The following CHN1 variants were observed in gnomAD, a reference collection of about 807,000 sequenced individuals.
CHN1 encodes the protein chimerin 1, also known as N-chimaerin.
CHN1 carries 37 observed loss-of-function variants against 59.5 expected under a neutral mutation model. That is an observed-to-expected ratio of 0.62 (90% confidence interval 0.48 to 0.82). The LOEUF (loss-of-function observed/expected upper bound fraction) is 0.82. CHN1 is among the 40% of genes least tolerant of loss of function. CHN1 has a pLI of 0.00. For synonymous variants in CHN1, 206 were observed against 200.4 expected, an observed-to-expected ratio of 1.03 and a Z score of -0.24; for missense variants, 469 against 571.0, an observed-to-expected ratio of 0.82 and a Z score of 1.82.
intron 2 of CHN1, among the ~76,000 whole-genome samples, chr2:174,947,691 C>A (rs1047492171): frequency 1.3e-5 from 2 of 151,896 alleles, no homozygotes; most frequent in Non-Finnish European, 2.9e-5. Flanking sequence ...ACCATCTTGC[C>A]CAGGCTGGTC....
intron 6 of CHN1, among the ~76,000 whole-genome samples, chr2:174,857,056 TAC>T (rs999292727): frequency 1.3e-5 from 2 of 152,188 alleles, no homozygotes; most frequent in Non-Finnish European, 2.9e-5. Flanking sequence ...TATAATGAGA[TAC>T]AGTTATTAAT....
At chr2:174,993,981 A>G (rs1050318509) in intron 1 of CHN1, among the ~76,000 whole-genome samples, 2 of 152,188 alleles carry the variant, frequency 1.3e-5, no homozygotes, top group African/African-American at 4.8e-5. Context: ...TTATTTTCAG[A>G]CCTCGAAAAG....
intron 5 of CHN1, among the ~76,000 whole-genome samples, chr2:174,902,117 T>C (rs1688403618): frequency 6.6e-6 from 1 of 152,204 alleles, no homozygotes; most frequent in East Asian, 1.9e-4. Context: ...TGCCTTTGTG[T>C]TTTCCTACAT....
intron 8 of CHN1, among the ~76,000 whole-genome samples, chr2:174,815,237 TGTG>T (rs1215797824): frequency 6.6e-6 from 1 of 152,090 alleles, no homozygotes; most frequent in African/African-American, 2.4e-5. Flanking sequence ...AATTGGTGGT[TGTG>T]GTGGTGTGCG....
chr2:174,823,099 G>T (rs949453437), intron 8 of CHN1, among the ~76,000 whole-genome samples: 4 of 152,116 alleles, frequency 2.6e-5, no homozygotes. Context: ...TCAGACCCCA[G>T]AAATTTCTGC....
At chr2:174,943,097 G>A (rs760279255) in intron 3 of CHN1, among the ~76,000 whole-genome samples, 2 of 151,314 alleles carry the variant, frequency 1.3e-5, no homozygotes, top group Non-Finnish European at 2.9e-5. Context: ...ATAAATAAAA[G>A]CTATTTAAGT....
rs116306915 is a variant in CHN1 at position 174,894,462 on chromosome 2, C to T, written c.261-16334G>A. ...ATTAAAATGACCACTACCAAAAAAA[C>T]CAGAAAATAACAAATGGTGAGGATG... is the stretch of plus-strand genomic sequence containing the variant. On this transcript the variant is annotated intron_variant, in intron 5 of 12. Coordinates refer to ENST00000409900, the MANE Select transcript of CHN1 (RefSeq NM_001822.7). 6.4e-4 allele frequency among the ~76,000 whole-genome samples: 97 copies of T among 151,970 alleles called. 2 individuals are homozygous for T. In the East Asian group the frequency reaches 0.017, roughly 26 times the overall value.
At chr2:174,801,550 A>T (rs2105370626) in intron 12 of CHN1, among the ~76,000 whole-genome samples, 157 bp downstream of exon 12, 1 of 152,352 alleles carries the variant, frequency 6.6e-6, no homozygotes, top group Admixed American at 6.5e-5. Context: ...TATTTTTAGC[A>T]TTCCTTCTCA....
At chr2:174,915,679 T>A (rs1385436377) in intron 4 of CHN1, among the ~76,000 whole-genome samples, 1 of 152,174 alleles carries the variant, frequency 6.6e-6, no homozygotes. Context: ...TACTGAACAC[T>A]CAAGTCCAAA....
intron 7 of CHN1, among the ~76,000 whole-genome samples, chr2:174,826,301 AGAGT>A (rs2105404305): frequency 6.6e-6 from 1 of 152,350 alleles, no homozygotes; most frequent in South Asian, 2.1e-4. Context: ...TGTGTTCTTC[AGAGT>A]GAATAAAACT....
At chr2:174,879,429 C>T (rs565604749) in intron 5 of CHN1, among the ~76,000 whole-genome samples, 7 of 152,232 alleles carry the variant, frequency 4.6e-5, no homozygotes, top group Admixed American at 2.0e-4. Flanking sequence ...ATTTATCCAT[C>T]CTTTAGTAAC....
intron 7 of CHN1, among the ~76,000 whole-genome samples, chr2:174,827,750 A>C (rs74507172): frequency 0.017 from 2,517 of 152,318 alleles, 60 homozygotes; most frequent in African/African-American, 0.057. Flanking sequence ...GTTATTTAGG[A>C]GGCAGAATCA....
chr2:174,945,247 G>A (rs999329634), intron 2 of CHN1: 4 of 442,196 alleles, frequency 9.0e-6, no homozygotes, highest in Non-Finnish European at 1.8e-5. Flanking sequence ...TCTTTGTGGG[G>A]ATATTAAAGG....
At chr2:174,945,925 G>GTATATATA (rs1437195574) in intron 2 of CHN1, among the ~76,000 whole-genome samples, 28 of 150,544 alleles carry the variant, frequency 1.9e-4, no homozygotes, top group African/African-American at 6.9e-4. Flanking sequence ...GTGTGTGTGT[G>GTATATATA]TGTGTGTATA....
chr2:174,910,390 A>AT (rs963113328), intron 5 of CHN1, among the ~76,000 whole-genome samples: 66 of 148,134 alleles, frequency 4.5e-4, no homozygotes, highest in African/African-American at 7.4e-4. Flanking sequence ...TTGATAAAGA[A>AT]TTTTTTTTTT....
intron 12 of CHN1, 84 bp from the exon 13 acceptor site, chr2:174,800,371 C>G: frequency 2.7e-6 from 3 of 1,107,516 alleles, no homozygotes; most frequent in East Asian, 2.8e-5. Flanking sequence ...CAACAAGATT[C>G]ACAATAAAAG....
chr2:174,955,855 G>T (rs978740370), intron 1 of CHN1, among the ~76,000 whole-genome samples: 1 of 152,022 alleles, frequency 6.6e-6, no homozygotes, highest in Non-Finnish European at 1.5e-5. Context: ...GAGCACACAA[G>T]GATATAAATA....
In CHN1 at chr2:174,812,529, T is replaced by C. The variant is rs762943152; in HGVS notation, c.713-47A>G. On this transcript the variant is annotated intron_variant, in intron 8 of 12. Coordinates refer to ENST00000409900, the MANE Select transcript of CHN1 (RefSeq NM_001822.7). ...GAAACATTCAATATTATTTTCAGAGTTTTGAGCATTCTGGAGTGTTAATTT... is the reference window on the plus strand; with the variant it reads ...GAAACATTCAATATTATTTTCAGAGCTTTGAGCATTCTGGAGTGTTAATTT... 1.3e-6 allele frequency: 2 copies of C among 1,597,926 alleles called. 1 individual carries two copies. The highest frequency in any genetic ancestry group is 2.7e-5 in the African/African-American group (2 of 74,758).
intron 1 of CHN1, among the ~76,000 whole-genome samples, chr2:174,956,194 A>T (rs1690199056): frequency 6.6e-6 from 1 of 152,222 alleles, no homozygotes; most frequent in Non-Finnish European, 1.5e-5. Flanking sequence ...TAAAATATCC[A>T]AAATGTTGAA....
Sources: gnomAD v4.1 joint callset for allele counts (sites outside exome capture counted in the v4.1 genomes callset) on GRCh38, gnomAD v4.1.1 for gene constraint, MANE v1.5 for transcripts, NCBI Gene and HGNC (gene_info 2026-07-23, HGNC 2026-07-21) for gene names.